ACTR3C: variants seen among roughly 807,000 people sequenced by gnomAD.
ACTR3C encodes the protein actin related protein 3C.
Under a neutral mutation model 26.3 loss-of-function variants are expected in ACTR3C, and 18 were observed. The observed-to-expected ratio is 0.68, with a 90% CI of 0.47 to 1.01. The LOEUF (loss-of-function observed/expected upper bound fraction) is 1.01. Among genes scored for constraint, ACTR3C ranks in the 50% least tolerant of loss-of-function variants. ACTR3C has a pLI of 0.00. For missense variants in ACTR3C, 184 were observed against 250.7 expected, an observed-to-expected ratio of 0.73 and a Z score of 1.80; for synonymous variants, 55 against 94.5, an observed-to-expected ratio of 0.58 and a Z score of 2.42.
At chr7:149,886,068 G>A in the ACTR3C span, among the ~76,000 whole-genome samples, 4 of 152,206 alleles carry the variant, frequency 2.6e-5, no homozygotes, top group Non-Finnish European at 5.9e-5. Flanking sequence ...CTGAGATAAT[G>A]GACTAAAGTG....
At chr7:150,035,973 G>C in the ACTR3C span, among the ~76,000 whole-genome samples, 833 of 131,266 alleles carry the variant, frequency 6.3e-3, 74 homozygotes, top group East Asian at 0.021. Flanking sequence ...AGAGGGACTG[G>C]CTCTCAGTCC....
At chr7:150,048,480 T>G in the ACTR3C span, among the ~76,000 whole-genome samples, 6 of 151,716 alleles carry the variant, frequency 4.0e-5, no homozygotes, top group South Asian at 2.1e-4. Flanking sequence ...GGGTCGTGGG[T>G]GCGGGGGCGG....
the ACTR3C span, among the ~76,000 whole-genome samples, chr7:149,978,906 G>A: frequency 4.6e-5 from 7 of 152,040 alleles, no homozygotes; most frequent in Admixed American, 2.6e-4. Context: ...CGGACTGTTC[G>A]GGAGATCTGT....
the ACTR3C span, among the ~76,000 whole-genome samples, chr7:150,128,893 C>G: frequency 2.6e-5 from 4 of 151,686 alleles, no homozygotes; most frequent in African/African-American, 9.7e-5. Flanking sequence ...AGCTCACTGC[C>G]TAGAGAAAGC....
intron 6 of ACTR3C, among the ~76,000 whole-genome samples, 175 bp from the exon 7 acceptor site, chr7:150,249,229 A>G (rs1225675411): frequency 1.3e-5 from 2 of 152,224 alleles, no homozygotes; most frequent in Non-Finnish European, 2.9e-5. Context: ...CAGATTTTTC[A>G]TCTGAAACCA....
chr7:149,917,138 C>T, the ACTR3C span, among the ~76,000 whole-genome samples: 3 of 150,502 alleles, frequency 2.0e-5, no homozygotes, highest in African/African-American at 4.9e-5. Context: ...TGCAATGGCG[C>T]GATCTTGGCT....
the ACTR3C span, among the ~76,000 whole-genome samples, chr7:149,933,424 T>C: frequency 6.6e-6 from 1 of 152,150 alleles, no homozygotes. Context: ...TGAAAAAATT[T>C]GAGGGCTAAA....
chr7:149,917,076 A>AT, the ACTR3C span, among the ~76,000 whole-genome samples: 1 of 136,288 alleles, frequency 7.3e-6, no homozygotes, highest in African/African-American at 2.7e-5. Context: ...TGCCCCAAAT[A>AT]TTTTTTTTTT....
chr7:149,980,428 A>T, the ACTR3C span, among the ~76,000 whole-genome samples: 2,110 of 152,356 alleles, frequency 0.014, 64 homozygotes, highest in African/African-American at 0.048. Flanking sequence ...GTAATCAAGG[A>T]CAGAACATAA....
the ACTR3C span, among the ~76,000 whole-genome samples, chr7:150,022,118 A>G: frequency 6.6e-6 from 1 of 151,748 alleles, no homozygotes; most frequent in Non-Finnish European, 1.5e-5. Context: ...CACCATATCC[A>G]TGCCAACATC....
the ACTR3C span, among the ~76,000 whole-genome samples, chr7:150,037,111 G>A: frequency 9.5e-6 from 1 of 105,026 alleles, no homozygotes. Flanking sequence ...GAGCCAGGGG[G>A]GGAAGAGGGA....
At chr7:149,886,957 CAAAA>C in the ACTR3C span, among the ~76,000 whole-genome samples, 3,712 of 136,126 alleles carry the variant, frequency 0.027, 140 homozygotes, top group African/African-American at 0.089. Flanking sequence ...GAGACTGACT[CAAAA>C]AAAAAAAAAA....
the ACTR3C span, among the ~76,000 whole-genome samples, chr7:150,176,215 A>C: frequency 6.6e-6 from 1 of 150,944 alleles, no homozygotes; most frequent in Non-Finnish European, 1.5e-5. Context: ...ACAGAACTGC[A>C]TTCCACTATA....
chr7:149,907,648 A>G, the ACTR3C span, among the ~76,000 whole-genome samples: 1 of 151,902 alleles, frequency 6.6e-6, no homozygotes, highest in Non-Finnish European at 1.5e-5. Context: ...TTGACAGTGA[A>G]TGAAATCCTG....
the ACTR3C span, among the ~76,000 whole-genome samples, chr7:150,070,031 T>C: frequency 7.2e-5 from 11 of 152,278 alleles, no homozygotes; most frequent in East Asian, 2.1e-3. Flanking sequence ...TCCCAAGAAC[T>C]GAGGTCCAGG....
chr7:150,154,108 C>G, the ACTR3C span, among the ~76,000 whole-genome samples: 30,337 of 140,944 alleles, frequency 0.22, 4,358 homozygotes, highest in African/African-American at 0.41. Flanking sequence ...AGCTTTAGGA[C>G]ATATACCTAA....
At chr7:150,037,784 TGGGGGTCCCC>T in the ACTR3C span, among the ~76,000 whole-genome samples, 1 of 36,304 alleles carries the variant, frequency 2.8e-5, no homozygotes. Context: ...CCTCCTGCGA[TGGGGGTCCCC>T]AGAGCCAGCG....
chr7:149,901,824 T>C, the ACTR3C span, among the ~76,000 whole-genome samples: 1 of 139,348 alleles, frequency 7.2e-6, no homozygotes, highest in African/African-American at 2.7e-5. Flanking sequence ...TGAGGCAGAA[T>C]TGCTTGAACC....
At chr7:150,317,922 T>C (rs1797100839) in intron 1 of ACTR3C, among the ~76,000 whole-genome samples, 1 of 151,714 alleles carries the variant, frequency 6.6e-6, no homozygotes, top group African/African-American at 2.4e-5. Context: ...AGGAGGAAAG[T>C]AAACCAAAAG....
Sources: gnomAD v4.1 joint callset for allele counts (sites outside exome capture counted in the v4.1 genomes callset) on GRCh38, gnomAD v4.1.1 for gene constraint, MANE v1.5 for transcripts, NCBI Gene and HGNC (gene_info 2026-07-23, HGNC 2026-07-21) for gene names.